The following NALF1 variants were observed in gnomAD, a reference collection of about 807,000 sequenced individuals.
The protein encoded by NALF1 is family with sequence similarity 155 member A.
NALF1 carries 3 observed loss-of-function variants against 48.4 expected under a neutral mutation model. The ratio of observed to expected loss-of-function variants is 0.06; its 90% CI spans 0.03 to 0.16. The LOEUF (loss-of-function observed/expected upper bound fraction) is 0.16. NALF1 is among the 10% of genes least tolerant of loss of function. NALF1 has a pLI of 1.00. For missense variants in NALF1, 526 were observed against 571.5 expected (o/e 0.92, Z 0.81); for synonymous variants, 262 against 245.7 (o/e 1.07, Z -0.62).
chr13:107,232,044 T>C (rs61965569), intron 1 of NALF1, among the ~76,000 whole-genome samples: 51,224 of 152,166 alleles, frequency 0.34, 9,496 homozygotes, highest in Middle Eastern at 0.47. Flanking sequence ...CAAGCCTTGA[T>C]CAAGCACTTG....
At chr13:107,213,247 A>AAAAAG (rs1555326889) in intron 1 of NALF1, among the ~76,000 whole-genome samples, 7 of 145,130 alleles carry the variant, frequency 4.8e-5, no homozygotes, top group Non-Finnish European at 1.1e-4. Flanking sequence ...AAAAAAAAAA[A>AAAAAG]AAAGAAAAGA....
chr13:107,502,866 C>T (rs1875566346), intron 1 of NALF1, among the ~76,000 whole-genome samples: 2 of 152,024 alleles, frequency 1.3e-5, no homozygotes, highest in African/African-American at 4.8e-5. Context: ...AATGGAAGTG[C>T]AGATTGTCCA....
At chr13:107,241,372 G>T (rs980785270) in intron 1 of NALF1, among the ~76,000 whole-genome samples, 5 of 152,158 alleles carry the variant, frequency 3.3e-5, no homozygotes, top group African/African-American at 9.7e-5. Flanking sequence ...TAGCAGATTG[G>T]AGTGGGGTCA....
chr13:107,183,946 C>T (rs149101593), intron 2 of NALF1, among the ~76,000 whole-genome samples: 2,560 of 152,072 alleles, frequency 0.017, 30 homozygotes, highest in Non-Finnish European at 0.024. Context: ...GGTTTCAACA[C>T]CACTTGCATA....
chr13:107,327,043 T>C (rs1039377989), intron 1 of NALF1, among the ~76,000 whole-genome samples: 11 of 152,170 alleles, frequency 7.2e-5, no homozygotes, highest in Non-Finnish European at 1.2e-4. Flanking sequence ...ACATTGAAGG[T>C]TTCTGTCATC....
At chr13:107,466,220 T>G (rs529607878) in intron 1 of NALF1, 1 of 152,322 alleles carries the variant, frequency 6.6e-6, no homozygotes, top group South Asian at 2.1e-4. Flanking sequence ...GTCCCTCCCA[T>G]GACATGTGGA....
intron 1 of NALF1, among the ~76,000 whole-genome samples, chr13:107,780,840 T>C (rs1256110705): frequency 6.6e-6 from 1 of 152,172 alleles, no homozygotes; most frequent in Admixed American, 6.5e-5. Flanking sequence ...CCATTTTACA[T>C]GGGCCCCCAA....
At chr13:107,613,059 G>A (rs914274367) in intron 1 of NALF1, among the ~76,000 whole-genome samples, 4 of 151,990 alleles carry the variant, frequency 2.6e-5, no homozygotes, top group Admixed American at 6.6e-5. Flanking sequence ...TGGAGGAAGG[G>A]AGCAGCCACA....
At chr13:107,763,541 C>T (rs1447897573) in intron 1 of NALF1, among the ~76,000 whole-genome samples, 3 of 150,720 alleles carry the variant, frequency 2.0e-5, no homozygotes, top group African/African-American at 7.3e-5. Context: ...AGAATATTTC[C>T]ACATTAAATG....
At chr13:107,492,043 T>G (rs1181668383) in intron 1 of NALF1, among the ~76,000 whole-genome samples, 2 of 71,088 alleles carry the variant, frequency 2.8e-5, no homozygotes, top group Admixed American at 1.2e-4. Context: ...TTTTTTTTTG[T>G]TTTTTTTTTT....
At chr13:107,833,069 C>G (rs114288209) in intron 1 of NALF1, among the ~76,000 whole-genome samples, 4,177 of 152,286 alleles carry the variant, frequency 0.027, 126 homozygotes, top group African/African-American at 0.072. Flanking sequence ...GCCCCATCTC[C>G]TAGCTAATGG....
At chr13:107,209,031 C>A (rs1566451572) in intron 2 of NALF1, among the ~76,000 whole-genome samples, 1 of 152,204 alleles carries the variant, frequency 6.6e-6, no homozygotes, top group Non-Finnish European at 1.5e-5. Flanking sequence ...ATAACTTGCC[C>A]TTCTCTCTTA....
chr13:107,844,828 A>G (rs1880130004), intron 1 of NALF1, among the ~76,000 whole-genome samples: 1 of 152,200 alleles, frequency 6.6e-6, no homozygotes, highest in South Asian at 2.1e-4. Context: ...CCTCAAGAGC[A>G]TGACCTTAGG....
chr13:107,514,976 TGTA>T (rs1446471549), intron 1 of NALF1, among the ~76,000 whole-genome samples: 2 of 152,222 alleles, frequency 1.3e-5, no homozygotes, highest in African/African-American at 4.8e-5. Context: ...AGACATAGAC[TGTA>T]ACCTCAAAGA....
chr13:107,351,924 G>T (rs1171953413), intron 1 of NALF1, among the ~76,000 whole-genome samples: 1 of 152,164 alleles, frequency 6.6e-6, no homozygotes, highest in Non-Finnish European at 1.5e-5. Flanking sequence ...TCAAAGGAGG[G>T]AAGAGTAAGA....
At chr13:107,655,903 G>A (rs986956871) in intron 1 of NALF1, among the ~76,000 whole-genome samples, 9 of 151,982 alleles carry the variant, frequency 5.9e-5, no homozygotes, top group African/African-American at 2.2e-4. Context: ...AAAACATAAA[G>A]TGGGGAAAGG....
intron 1 of NALF1, among the ~76,000 whole-genome samples, chr13:107,595,818 G>A (rs1878729168): frequency 6.6e-6 from 1 of 152,098 alleles, no homozygotes; most frequent in African/African-American, 2.4e-5. Flanking sequence ...AAGAGTTCAA[G>A]CGTCCTGCTC....
chr13:107,592,109 A>C (rs924192800), intron 1 of NALF1, among the ~76,000 whole-genome samples: 6 of 151,992 alleles, frequency 3.9e-5, no homozygotes, highest in African/African-American at 1.4e-4. Context: ...TGCCAAGTAA[A>C]AGTATATTCA....
At chr13:107,723,851 CCTGTTTATCTAATTTTAACATGAGAAA>C (rs1876064287) in intron 1 of NALF1, among the ~76,000 whole-genome samples, 1 of 152,112 alleles carries the variant, frequency 6.6e-6, no homozygotes, top group Non-Finnish European at 1.5e-5. Flanking sequence ...ATCATTTCAT[CCTGTTTATCTAATTTTAACATGAGAAA>C]CTGTACAAAG....
Sources: gnomAD v4.1 joint callset for allele counts (sites outside exome capture counted in the v4.1 genomes callset) on GRCh38, gnomAD v4.1.1 for gene constraint, MANE v1.5 for transcripts, NCBI Gene and HGNC (gene_info 2026-07-23, HGNC 2026-07-21) for gene names.